The following TNNT1 variants were observed in gnomAD, a reference collection of about 807,000 sequenced individuals.
TNNT1 encodes troponin T1, slow skeletal type.
In TNNT1, 53 loss-of-function variants were observed where a neutral mutation model predicts 50.6. That is an observed-to-expected ratio of 1.05 (90% CI 0.84 to 1.32). The LOEUF (loss-of-function observed/expected upper bound fraction) is 1.32, where lower values mean the gene tolerates loss of function less well. Ranked by LOEUF, TNNT1 falls within the 40% of genes most tolerant of loss-of-function variation. TNNT1 has a pLI of 0.00. For missense variants in TNNT1, 348 were observed against 381.7 expected (o/e 0.91, Z 0.74); for synonymous variants, 142 against 138.0 (o/e 1.03, Z -0.20).
Position 55,146,417 on chromosome 19 carries a change from G to T in TNNT1, c.106+17C>A. The T allele has an allele frequency of 7.4e-7, 1 of 1,356,848 alleles. No individual in the cohort carries two copies. Among genetic ancestry groups the T allele is most frequent in the Non-Finnish European group, 9.5e-7 (1 of 1,047,140 alleles). The allele number at this position is 1,356,848 out of a possible 1,614,324, so 84.1% of individuals were successfully genotyped here. A position where few individuals can be genotyped will look rare whatever the true frequency, so the allele number is the denominator to read the frequency against. ...GCCCCCGACATCGGTCTCGGGAAGC[G>T]AAGCAGCCGCGGTTACCTGGCTCTG... On this transcript the variant is annotated intron_variant, in intron 5 of 13. Coordinates refer to ENST00000588981, the MANE Select transcript of TNNT1 (RefSeq NM_003283.6).
At chr19:55,139,735 G>GGCAGGAGGATCACTTGA (rs1277223510) in intron 9 of TNNT1, among the ~76,000 whole-genome samples, 2 of 152,134 alleles carry the variant, frequency 1.3e-5, no homozygotes, top group African/African-American at 2.4e-5. Flanking sequence ...GGGAGGCTGA[G>GGCAGGAGGATCACTTGA]GCAGGAGGAT....
rs1445187580 is a variant in TNNT1, at chr19:55,145,575, G to A, written c.107-10C>T. On this transcript the variant is annotated splice_polypyrimidine_tract_variant and intron_variant, in intron 5 of 13. Transcript: ENST00000588981. ...TTGGGGCGTTCCTCTTCTGTTGGTG[G>A]TGGGGGATAAAAAGAGATAATTAGC... The A allele has an allele frequency of 1.2e-6, 2 of 1,613,628 alleles. No homozygotes were observed. The highest frequency in any genetic ancestry group is 1.7e-5 in the Admixed American group (1 of 59,980).
chr19:55,133,794 G>C, intron 13 of TNNT1, 93 bp downstream of exon 13: 2 of 1,441,502 alleles, frequency 1.4e-6, no homozygotes, highest in Non-Finnish European at 2.0e-6. Context: ...AACTCAGGCA[G>C]TGGGGGATGG....
At chr19:55,147,201 G>T (rs2085576717) in intron 1 of TNNT1, 33 bp from the exon 2 acceptor site, 2 of 1,607,872 alleles carry the variant, frequency 1.2e-6, no homozygotes, top group African/African-American at 1.3e-5. Flanking sequence ...CCAGTGGGGT[G>T]GGGCCCCAAG....
rs192628675 is a variant in TNNT1 at position 55,137,716 on chromosome 19, C to T, written c.501+245G>A. ...CAGCCCCTCCTCCCTCAGACCCAGG[C>T]GTCCAGGCCCTCAGCCCCTCCTCCC... On this transcript the variant is annotated intron_variant, in intron 10 of 13. Coordinates refer to ENST00000588981, the MANE Select transcript of TNNT1 (RefSeq NM_003283.6). Among the ~76,000 whole-genome samples, 11 of 111,160 alleles carry T rather than the reference C, an allele frequency of 9.9e-5. No homozygotes were observed. The East Asian group carries it at 1.8e-3, about 18-fold the overall frequency. The allele number at this position is 111,160 out of a possible 152,430, so 72.9% of individuals were successfully genotyped here.
intron 7 of TNNT1, among the ~76,000 whole-genome samples, chr19:55,141,544 C>A (rs903966266): frequency 2.7e-5 from 4 of 148,826 alleles, no homozygotes; most frequent in African/African-American, 9.9e-5. Context: ...AGTGAAATGG[C>A]GCGATCTCGG....
intron 11 of TNNT1, among the ~76,000 whole-genome samples, chr19:55,136,455 G>A (rs1297914811): frequency 6.6e-6 from 1 of 152,132 alleles, no homozygotes; most frequent in African/African-American, 2.4e-5. Flanking sequence ...TTATATCCTT[G>A]TTCTGCCAAT....
At position 55,138,754 on chromosome 19, in the gene TNNT1, G is replaced by A. The variant is rs774800138; in HGVS notation, c.388-680C>T. Among the ~76,000 whole-genome samples, 11 of 152,200 alleles carry A rather than the reference G, an allele frequency of 7.2e-5. No individual in the cohort carries two copies. The South Asian group carries it at 1.2e-3, about 17-fold the overall frequency. On this transcript the variant is annotated intron_variant, in intron 9 of 13. Transcript: ENST00000588981. The stretch of plus-strand genomic sequence containing the variant: ...AGTCGCCCTTAGTCTCAGGATATGA[G>A]AATGTCTGTTTTGAGGGGGTCAAGG...
intron 5 of TNNT1, 29 bp downstream of exon 5, chr19:55,146,405 G>C (rs2085552558): frequency 3.7e-6 from 5 of 1,361,624 alleles, no homozygotes; most frequent in Non-Finnish European, 3.8e-6. Context: ...CCCGACATCG[G>C]TCTCGGGAAG....
chr19:55,144,988 T>C (rs1430788670), intron 6 of TNNT1, among the ~76,000 whole-genome samples: 1 of 151,842 alleles, frequency 6.6e-6, no homozygotes, highest in African/African-American at 2.4e-5. Context: ...GAGGGACCAC[T>C]GGGTGGAAAG....
intron 6 of TNNT1, among the ~76,000 whole-genome samples, chr19:55,142,554 T>C (rs2147258805): frequency 6.6e-6 from 1 of 151,618 alleles, no homozygotes; most frequent in Admixed American, 6.6e-5. Flanking sequence ...GAATTTTTTT[T>C]TTTTTTTTGA....
Position 55,133,867 on chromosome 19 carries a change from C to T in TNNT1, c.791+20G>A. ...GGGAGGGTAGGGACAAGAGCAAGGG[C>T]TTGAGACGGTCACACTCACAACTTC... is the stretch of plus-strand genomic sequence containing the variant. On this transcript the variant is annotated intron_variant, in intron 13 of 13. Transcript: ENST00000588981. 1.2e-6 allele frequency: 2 copies of T among 1,613,668 alleles called. No homozygotes were observed. Among genetic ancestry groups the T allele is most frequent in the Non-Finnish European group, 1.7e-6 (2 of 1,179,964 alleles).
chr19:55,132,910 C>G lies in TNNT1; in HGVS notation c.*5G>C. 1 of 1,601,356 alleles carries G rather than the reference C, an allele frequency of 6.2e-7. No individual in the cohort carries two copies. Among genetic ancestry groups the G allele is most frequent in the Non-Finnish European group, 8.5e-7 (1 of 1,175,150 alleles). Reference sequence around the variant, plus strand: ...TCCCAGGTGCCACTGTCCGGGGCGGCATCCTCACTTCCAGCGGCCTCCAAC... The same window carrying G: ...TCCCAGGTGCCACTGTCCGGGGCGGGATCCTCACTTCCAGCGGCCTCCAAC... On this transcript the variant is annotated 3_prime_UTR_variant, in exon 14 of 14. Coordinates refer to ENST00000588981, the MANE Select transcript of TNNT1 (RefSeq NM_003283.6).
At chr19:55,146,778 G>C in intron 3 of TNNT1, 71 bp from the exon 4 acceptor site, 2 of 1,308,102 alleles carry the variant, frequency 1.5e-6, no homozygotes, top group African/African-American at 3.0e-5. Flanking sequence ...CCAGAGACCA[G>C]GGTTCCAGTC....
intron 6 of TNNT1, 26 bp downstream of exon 6, chr19:55,145,518 G>C (rs2085532644): frequency 1.9e-6 from 3 of 1,613,028 alleles, no homozygotes; most frequent in Non-Finnish European, 8.5e-7. Context: ...TGTATGACTG[G>C]GGCCCCCCAC....
chr19:55,142,187 C>T (rs2085470526), intron 6 of TNNT1: 2 of 398,702 alleles, frequency 5.0e-6, no homozygotes, highest in South Asian at 2.2e-5. Context: ...GTGGCGCCAC[C>T]TCGGCTCACT....
rs144203127 is a variant in TNNT1, at chr19:55,143,282, G to A, written c.129-1362C>T. On this transcript the variant is annotated intron_variant, in intron 6 of 13. Coordinates refer to ENST00000588981, the MANE Select transcript of TNNT1 (RefSeq NM_003283.6). ...CCCAGAGTGCTGGGACTATAGGCGT[G>A]AGCCACTGCGCCCAGCCTTTAGTAA... 4.7e-3 allele frequency among the ~76,000 whole-genome samples: 712 copies of A among 152,238 alleles called. 4 individuals are homozygous for A. Among genetic ancestry groups the A allele is most frequent in the African/African-American group, 0.016 (683 of 41,548 alleles).
intron 5 of TNNT1, among the ~76,000 whole-genome samples, chr19:55,145,951 C>T (rs1364981565): frequency 2.6e-5 from 4 of 151,614 alleles, no homozygotes; most frequent in African/African-American, 9.7e-5. Flanking sequence ...GTGACCCCAG[C>T]GCTCTCTCCC....
intron 11 of TNNT1, among the ~76,000 whole-genome samples, chr19:55,136,896 G>T (rs1295917727): frequency 6.6e-6 from 1 of 152,096 alleles, no homozygotes; most frequent in African/African-American, 2.4e-5. Context: ...AGATGCTACA[G>T]GCCACGGCAG....
Sources: gnomAD v4.1 joint callset for allele counts (sites outside exome capture counted in the v4.1 genomes callset) on GRCh38, gnomAD v4.1.1 for gene constraint, MANE v1.5 for transcripts, NCBI Gene and HGNC (gene_info 2026-07-23, HGNC 2026-07-21) for gene names.